Variants in PTPRN observed in about 807,000 individuals in gnomAD.
PTPRN encodes receptor-type tyrosine-protein phosphatase-like N.
PTPRN carries 70 observed loss-of-function variants against 108.5 expected under a neutral mutation model. The ratio of observed to expected loss-of-function variants is 0.65; its 90% CI spans 0.53 to 0.79. PTPRN has a LOEUF of 0.79. PTPRN is among the 30% of genes least tolerant of loss of function. The pLI is 0.00. For synonymous variants in PTPRN, 496 were observed against 524.6 expected (o/e 0.95, Z 0.75); for missense variants, 1,136 against 1,295.5 (o/e 0.88, Z 1.89).
At position 219,296,070 on chromosome 2, in the gene PTPRN, T is replaced by TTA; in HGVS notation, c.2508+154_2508+155dup. On this transcript the variant is annotated intron_variant, in intron 18 of 22. Transcript: ENST00000295718. This position sits in a 1 kb window ranked among gnomAD's most constrained non-coding sequence, Gnocchi z 6.0. ...AATATATGGGTATGCATATATGTGT[T>TTA]TATATATATTCATATATGTATGAAT... The TTA allele has an allele frequency of 9.7e-7, 1 of 1,034,832 alleles. No individual in the cohort carries two copies. Among genetic ancestry groups the TTA allele is most frequent in the Non-Finnish European group, 1.4e-6 (1 of 699,972 alleles). 64.1% of individuals were successfully genotyped at this position (1,034,832 alleles called of 1,614,324 possible).
At chr2:219,295,322 C>T (rs1952164039) in intron 18 of PTPRN, 181 bp from the exon 19 acceptor site, 2 of 599,438 alleles carry the variant, frequency 3.3e-6, no homozygotes, top group East Asian at 6.2e-5. Context: ...CTGCTCAGGA[C>T]CACTAGTAGC....
Position 219,309,251 on chromosome 2 carries a change from G to A in PTPRN, c.82C>T (p.Arg28Cys). The A allele has an allele frequency of 1.3e-6, 2 of 1,519,928 alleles. No individual in the cohort carries two copies. Among genetic ancestry groups the A allele is most frequent in the Admixed American group, 2.0e-5 (1 of 49,820 alleles). 94.2% of individuals were successfully genotyped at this position (1,519,928 alleles called of 1,614,324 possible). ...LLLCLLLLSS[R>C]PGGCSAVSAH... is the part of the protein sequence containing the mutation. ...CTAACGGCGCTGCAGCCCCCCGGGC[G>A]GCTGCTCAGCAGCAGGAGGCAGAGG... The change falls in exon 1 of 23, where the codon CGC (arginine) becomes TGC (cysteine). Residue 28 changes from arginine (R) to cysteine (C), a missense_variant. Physicochemically the swap from Arg to Cys is radical, Grantham distance 180. Transcript: ENST00000295718.
At position 219,302,417 on chromosome 2, in the gene PTPRN, A is replaced by C; in HGVS notation, c.714T>G (p.Ala238=). The change falls in exon 6 of 23, where the codon GCT becomes GCG. Residue 238 remains alanine, a synonymous_variant. Coordinates refer to ENST00000295718, the MANE Select transcript of PTPRN (RefSeq NM_002846.4). ...GMVSVGPLPK[A]EAPALFSRTA... Reference sequence around the variant, plus strand: ...TTCTGCTGAAGAGGGCAGGGGCTTCAGCCTTGGGCAGGGGGCCGACACTGA... The same window carrying C: ...TTCTGCTGAAGAGGGCAGGGGCTTCCGCCTTGGGCAGGGGGCCGACACTGA... The C allele has an allele frequency of 6.2e-7, 1 of 1,614,168 alleles. No individual in the cohort carries two copies. Among genetic ancestry groups the C allele is most frequent in the Non-Finnish European group, 8.5e-7 (1 of 1,179,980 alleles).
Position 219,297,439 on chromosome 2 carries a change from G to A in PTPRN, c.1888-6C>T, listed in dbSNP as rs376639851. 4 of 1,613,864 alleles carry A rather than the reference G, an allele frequency of 2.5e-6. No homozygotes were observed. The African/African-American group carries it at 5.3e-5, about 22-fold the overall frequency. On this transcript the variant is annotated splice_polypyrimidine_tract_variant and splice_region_variant and intron_variant, in intron 13 of 22. Transcript: ENST00000295718. The surrounding 1 kb of genome is among the most constrained non-coding windows in gnomAD (Gnocchi z 6.0). ...ATGTGCTGGCGGCACAGGTCCTGTG[G>A]AGGAAGAATCAGGTGAGGTCCAAGA...
rs377144384 is a variant in PTPRN at position 219,296,712 on chromosome 2, T to C, written c.2310+37A>G. ...GGAGTGCATAGGGCCAGGATAATGA[T>C]GGGGCAGAGGTGGGGGCTGGAGTCA... On this transcript the variant is annotated intron_variant, in intron 16 of 22. Coordinates refer to ENST00000295718, the MANE Select transcript of PTPRN (RefSeq NM_002846.4). This position sits in a 1 kb window ranked among gnomAD's most constrained non-coding sequence, Gnocchi z 6.0. 5.6e-6 allele frequency: 9 copies of C among 1,610,106 alleles called. No homozygotes were observed. The highest frequency in any genetic ancestry group is 4.5e-5 in the East Asian group (2 of 44,676).
chr2:219,297,244 G>A lies in PTPRN; in HGVS notation c.2077C>T (p.His693Tyr), dbSNP rs1423474584. 3 of 1,613,994 alleles carry A rather than the reference G, an allele frequency of 1.9e-6. No homozygotes were observed. Among genetic ancestry groups the A allele is most frequent in the Non-Finnish European group, 1.7e-6 (2 of 1,179,940 alleles). ...GGCCCTGTCCTGACCAGAATCATGTGTCCCGTGGAGATGTCCATGTTGGCT... is the reference window on the plus strand; with the variant it reads ...GGCCCTGTCCTGACCAGAATCATGTATCCCGTGGAGATGTCCATGTTGGCT... ...AQANMDISTG[H>Y]MILAYMEDHL... is the part of the protein sequence containing the mutation. The change falls in exon 14 of 23, where the codon CAC (histidine) becomes TAC (tyrosine). Residue 693 changes from histidine (H) to tyrosine (Y), a missense_variant. Physicochemically the swap from His to Tyr is moderately conservative, Grantham distance 83. Transcript: ENST00000295718. The surrounding 1 kb of genome is among the most constrained non-coding windows in gnomAD (Gnocchi z 6.0).
chr2:219,300,267 G>A lies in PTPRN; in HGVS notation c.1162-8C>T, dbSNP rs1442019527. The A allele has an allele frequency of 6.4e-7, 1 of 1,552,304 alleles. No homozygotes were observed. ...CACCGGCCCCTCCATTGTCTGTTCA[G>A]AAGAGGGTGGAGGTGTGGCCTCTGG... On this transcript the variant is annotated splice_polypyrimidine_tract_variant and splice_region_variant and intron_variant, in intron 8 of 22. Transcript: ENST00000295718.
chr2:219,300,315 C>G, intron 8 of PTPRN, 56 bp from the exon 9 acceptor site: 1 of 1,497,890 alleles, frequency 6.7e-7, no homozygotes, highest in Non-Finnish European at 8.9e-7. Context: ...GAAGGGGTAC[C>G]CTGGACTCGG....
intron 18 of PTPRN, 109 bp from the exon 19 acceptor site, chr2:219,295,250 A>G: frequency 8.0e-7 from 1 of 1,256,708 alleles, no homozygotes; most frequent in South Asian, 1.4e-5. Flanking sequence ...CCGGCCTCCC[A>G]GGCCGGTTCA....
Position 219,296,941 on chromosome 2 carries a change from G to A in PTPRN, c.2236+44C>T. On this transcript the variant is annotated intron_variant, in intron 15 of 22. Coordinates refer to ENST00000295718, the MANE Select transcript of PTPRN (RefSeq NM_002846.4). This position sits in a 1 kb window ranked among gnomAD's most constrained non-coding sequence, Gnocchi z 6.0. Reference sequence around the variant, plus strand: ...TACCCCAAGCCCTCCAGACCTCGCAGCAGAGAGAGGGCTGGGCCAGGTGGG... The same window carrying A: ...TACCCCAAGCCCTCCAGACCTCGCAACAGAGAGAGGGCTGGGCCAGGTGGG... 1 of 1,612,790 alleles carries A rather than the reference G, an allele frequency of 6.2e-7. No individual in the cohort carries two copies. The highest frequency in any genetic ancestry group is 8.5e-7 in the Non-Finnish European group (1 of 1,179,204).
At position 219,296,302 on chromosome 2, in the gene PTPRN, G is replaced by A. The variant is rs763873531; in HGVS notation, c.2432C>T (p.Pro811Leu). ...SGCTVIVMLT[P>L]LVEDGVKQCD... ...CTGCTTGACACCATCCTCCACCAGC[G>A]GGGTCAGCATGACGATGACGGTGCA... is the stretch of plus-strand genomic sequence containing the variant. The change falls in exon 18 of 23, where the codon CCG becomes CTG. Residue 811 changes from proline (P) to leucine (L), a missense_variant. By Grantham distance (98) the Pro-to-Leu change is moderately conservative. Transcript: ENST00000295718. This position sits in a 1 kb window ranked among gnomAD's most constrained non-coding sequence, Gnocchi z 6.0. 33 of 1,613,954 alleles carry A rather than the reference G, an allele frequency of 2.0e-5. 1 individual carries two copies. Among genetic ancestry groups the A allele is most frequent in the Admixed American group, 1.0e-4 (6 of 59,984 alleles).
chr2:219,296,315 C>T lies in PTPRN; in HGVS notation c.2419G>A (p.Val807Ile), dbSNP rs201885534. The T allele has an allele frequency of 5.7e-5, 92 of 1,614,120 alleles. No individual in the cohort carries two copies. Among genetic ancestry groups the T allele is most frequent in the African/African-American group, 1.3e-4 (10 of 75,002 alleles). ...TCCTCCACCAGCGGGGTCAGCATGA[C>T]GATGACGGTGCAGCCGCTCTCCCAC... ...MVWESGCTVI[V>I]MLTPLVEDGV... Residue 807 changes from valine (V) to isoleucine (I), a missense_variant, in exon 18 of 23, where the codon GTC becomes ATC. Physicochemically the swap from Val to Ile is conservative, Grantham distance 29. Coordinates refer to ENST00000295718, the MANE Select transcript of PTPRN (RefSeq NM_002846.4). The surrounding 1 kb of genome is among the most constrained non-coding windows in gnomAD (Gnocchi z 6.0).
At position 219,296,105 on chromosome 2, in the gene PTPRN, G is replaced by T; in HGVS notation, c.2508+121C>A. ...TCATATATGTATGAATCATGAGCAG[G>T]GCCAATAAAAGCCTTTTTAAAAAGA... is the stretch of plus-strand genomic sequence containing the variant. On this transcript the variant is annotated intron_variant, in intron 18 of 22. Transcript: ENST00000295718. This position sits in a 1 kb window ranked among gnomAD's most constrained non-coding sequence, Gnocchi z 6.0. 7.3e-7 allele frequency: 1 copy of T among 1,377,564 alleles called. No individual in the cohort carries two copies. The highest frequency in any genetic ancestry group is 1.0e-6 in the Non-Finnish European group (1 of 989,794). 85.3% of individuals were successfully genotyped at this position (1,377,564 alleles called of 1,614,324 possible). A position where few individuals can be genotyped will look rare whatever the true frequency, so the allele number is the denominator to read the frequency against.
Position 219,297,148 on chromosome 2 carries a change from G to A in PTPRN, c.2089-16C>T, listed in dbSNP as rs201420506. The A allele has an allele frequency of 2.0e-4, 316 of 1,613,390 alleles. 1 individual carries two copies. In the South Asian group the frequency reaches 2.8e-3, roughly 14 times the overall value. The stretch of plus-strand genomic sequence containing the variant: ...CCATGTATGCCTGTGGGGGCACCAC[G>A]GTCTGGCTCTGGCCCACACAGCCAG... On this transcript the variant is annotated splice_polypyrimidine_tract_variant and intron_variant, in intron 14 of 22. Coordinates refer to ENST00000295718, the MANE Select transcript of PTPRN (RefSeq NM_002846.4). The surrounding 1 kb of genome is among the most constrained non-coding windows in gnomAD (Gnocchi z 6.0).
chr2:219,301,575 C>G lies in PTPRN; in HGVS notation c.1126+13G>C. The G allele has an allele frequency of 6.2e-7, 1 of 1,600,760 alleles. No homozygotes were observed. Among genetic ancestry groups the G allele is most frequent in the Non-Finnish European group, 8.6e-7 (1 of 1,169,174 alleles). On this transcript the variant is annotated intron_variant, in intron 7 of 22. Coordinates refer to ENST00000295718, the MANE Select transcript of PTPRN (RefSeq NM_002846.4). Reference sequence around the variant, plus strand: ...CGGGAGATATTGGTCCCTCCCTCTGCCTGGACACTTACCCGGATTTCTTCC... The same window carrying G: ...CGGGAGATATTGGTCCCTCCCTCTGGCTGGACACTTACCCGGATTTCTTCC...
chr2:219,290,190 C>G lies in PTPRN; in HGVS notation c.*36G>C, dbSNP rs370983776. 5.1e-6 allele frequency: 8 copies of G among 1,575,692 alleles called. No homozygotes were observed. The African/African-American group carries it at 1.1e-4, about 21-fold the overall frequency. ...AGATGCTCACACAGGCAAAGAGGGACAGAGGCTGGGCTGCCCGCCAAGGGG... is the reference window on the plus strand; with the variant it reads ...AGATGCTCACACAGGCAAAGAGGGAGAGAGGCTGGGCTGCCCGCCAAGGGG... On this transcript the variant is annotated 3_prime_UTR_variant, in exon 23 of 23. Transcript: ENST00000295718. This position sits in a 1 kb window ranked among gnomAD's most constrained non-coding sequence, Gnocchi z 4.2.
chr2:219,300,905 T>TG, intron 8 of PTPRN, 38 bp downstream of exon 8: 1 of 1,608,864 alleles, frequency 6.2e-7, no homozygotes, highest in African/African-American at 1.3e-5. Flanking sequence ...CGTGCTGCCA[T>TG]GGGGTGATTA....
Position 219,297,506 on chromosome 2 carries a change from G to A in PTPRN, c.1888-73C>T. The A allele has an allele frequency of 1.4e-6, 2 of 1,429,948 alleles. No homozygotes were observed. Among genetic ancestry groups the A allele is most frequent in the South Asian group, 2.4e-5 (2 of 83,898 alleles). The allele number at this position is 1,429,948 out of a possible 1,614,324, so 88.6% of individuals were successfully genotyped here. A position where few individuals can be genotyped will look rare whatever the true frequency, so the allele number is the denominator to read the frequency against. On this transcript the variant is annotated intron_variant, in intron 13 of 22. Coordinates refer to ENST00000295718, the MANE Select transcript of PTPRN (RefSeq NM_002846.4). This position sits in a 1 kb window ranked among gnomAD's most constrained non-coding sequence, Gnocchi z 6.0. ...CAACAGGGCCCTGGGTTCAACTCTG[G>A]GCTCCTAGGCTTGCCCTTGACTGAT...
rs139530025 is a variant in PTPRN, at chr2:219,300,027, C to G, written c.1394G>C (p.Arg465Pro). Residue 465 changes from arginine to proline, a missense_variant, in exon 9 of 23, where the codon CGC becomes CCC. By Grantham distance (103) the Arg-to-Pro change is moderately radical. Transcript: ENST00000295718. ...QPTVAGQPSA[R>P]PAAEEYGYIV... ...GTAGCCATATTCCTCTGCTGCTGGG[C>G]GGGCTGAGGGCTGTCCTGCCACCGT... 11 of 1,614,200 alleles carry G rather than the reference C, an allele frequency of 6.8e-6. No individual in the cohort carries two copies. The highest frequency in any genetic ancestry group is 1.1e-5 in the South Asian group (1 of 91,082).
Sources: allele counts gnomAD v4.1 joint callset, GRCh38; gene constraint gnomAD v4.1.1; non-coding constraint Gnocchi (gnomAD v3.1); transcripts MANE v1.5; gene names NCBI Gene and HGNC (gene_info 2026-07-23, HGNC 2026-07-21).